CROCC2: variants seen among roughly 807,000 people sequenced by gnomAD.
CROCC2 encodes ciliary rootlet coiled-coil protein 2.
CROCC2 carries 163 observed loss-of-function variants against 177.6 expected under a neutral mutation model. That is an observed-to-expected ratio of 0.92 (90% confidence interval 0.81 to 1.05). CROCC2 has a LOEUF of 1.05. Among genes scored for constraint, CROCC2 ranks in the 50% least tolerant of loss-of-function variants. The pLI is 0.00. For missense variants in CROCC2, 1,929 were observed against 1,797.8 expected (o/e 1.07, Z -1.32); for synonymous variants, 904 against 787.3 (o/e 1.15, Z -2.48).
chr2:240,962,264 T>C (rs1450078061), intron 20 of CROCC2, among the ~76,000 whole-genome samples: 2 of 125,870 alleles, frequency 1.6e-5, no homozygotes, highest in Non-Finnish European at 3.3e-5. Flanking sequence ...GTAAAAGGGA[T>C]GGCTGTTCTC....
chr2:240,947,479 A>ATGCCCAGCATC (rs1301552933), intron 15 of CROCC2, among the ~76,000 whole-genome samples: 1 of 152,204 alleles, frequency 6.6e-6, no homozygotes, highest in African/African-American at 2.4e-5. Context: ...CAGGCCACTG[A>ATGCCCAGCATC]ACAGGGCATC....
chr2:240,930,792 T>G, intron 6 of CROCC2, 139 bp from the exon 7 acceptor site: 1 of 591,094 alleles, frequency 1.7e-6, no homozygotes, highest in South Asian at 2.0e-5. Context: ...TGGTGACACA[T>G]GGGAACAATC....
chr2:240,988,495 C>G (rs1281993839), intron 28 of CROCC2, among the ~76,000 whole-genome samples: 4 of 152,184 alleles, frequency 2.6e-5, no homozygotes, highest in Admixed American at 6.5e-5. Context: ...CCATCTGCTG[C>G]TCTGTAGCTG....
chr2:240,922,919 G>T (rs879487381), intron 4 of CROCC2, among the ~76,000 whole-genome samples: 1 of 152,106 alleles, frequency 6.6e-6, no homozygotes. Context: ...ACCCCAGGCC[G>T]AGTGGAAACA....
In CROCC2 at chr2:240,932,773, C is replaced by T; in HGVS notation, c.1116C>T (p.Arg372=). The T allele has an allele frequency of 7.6e-7, 1 of 1,320,876 alleles. No homozygotes were observed. The highest frequency in any genetic ancestry group is 1.1e-6 in the Non-Finnish European group (1 of 938,566). 81.8% of individuals were successfully genotyped at this position (1,320,876 alleles called of 1,614,324 possible). ...TCACTGAATTGGGGGAGCCACGGCGCCCACTGAGGAGCCCCCAACGTGCCA... is the reference window on the plus strand; with the variant it reads ...TCACTGAATTGGGGGAGCCACGGCGTCCACTGAGGAGCCCCCAACGTGCCA... ...SSITELGEPR[R]PLRSPQRATS... Residue 372 remains arginine, a synonymous_variant, in exon 9 of 32, where the codon CGC becomes CGT. Transcript: ENST00000690015.
At chr2:240,944,596 A>AT (rs554087808) in intron 14 of CROCC2, among the ~76,000 whole-genome samples, 57 of 147,622 alleles carry the variant, frequency 3.9e-4, no homozygotes, top group African/African-American at 5.2e-4. Context: ...TTGTCTATTA[A>AT]TTTTTTTTTT....
Position 240,953,624 on chromosome 2 carries a change from C to T in CROCC2, c.2830-2235C>T, listed in dbSNP as rs1026680822. On this transcript the variant is annotated intron_variant, in intron 18 of 31. Transcript: ENST00000690015. This position sits in a 1 kb window ranked among gnomAD's most constrained non-coding sequence, Gnocchi z 4.0. Reference sequence around the variant, plus strand: ...TTGGCCAGCTGCCCTTTATTCTTGGCGGCCTGTGTAGAGAAATTGAGTGGA... The same window carrying T: ...TTGGCCAGCTGCCCTTTATTCTTGGTGGCCTGTGTAGAGAAATTGAGTGGA... Among the ~76,000 whole-genome samples, 1 of 152,122 alleles carries T rather than the reference C, an allele frequency of 6.6e-6. No homozygotes were observed. The highest frequency in any genetic ancestry group is 6.6e-5 in the Admixed American group (1 of 15,260).
At position 240,972,997 on chromosome 2, in the gene CROCC2, T is replaced by C. The variant is rs1481898670; in HGVS notation, c.4401+4735T>C. On this transcript the variant is annotated intron_variant, in intron 27 of 31. Coordinates refer to ENST00000690015, the MANE Select transcript of CROCC2 (RefSeq NM_001351305.2). This position sits in a 1 kb window ranked among gnomAD's most constrained non-coding sequence, Gnocchi z 7.1. ...ATGCTCCCTGCTGCCCCATGCCCCT[T>C]GCTGAGCAGGGGGGTGCTAGGGTCC... Among the ~76,000 whole-genome samples, 1 of 152,054 alleles carries C rather than the reference T, an allele frequency of 6.6e-6. No individual in the cohort carries two copies. Among genetic ancestry groups the C allele is most frequent in the African/African-American group, 2.4e-5 (1 of 41,424 alleles).
chr2:240,961,867 T>G (rs1465343693), intron 20 of CROCC2, among the ~76,000 whole-genome samples: 2 of 23,706 alleles, frequency 8.4e-5, no homozygotes, highest in Non-Finnish European at 2.3e-4. Flanking sequence ...CACACACTCA[T>G]CACACATGCT....
chr2:240,981,266 C>G (rs548767199), intron 27 of CROCC2, among the ~76,000 whole-genome samples: 498 of 152,086 alleles, frequency 3.3e-3, no homozygotes, highest in Non-Finnish European at 5.5e-3. Context: ...GGAGCCCAGG[C>G]TCATCCCTGC....
intron 18 of CROCC2, among the ~76,000 whole-genome samples, chr2:240,951,819 C>T (rs1016831433): frequency 5.3e-5 from 8 of 152,214 alleles, no homozygotes; most frequent in Non-Finnish European, 1.2e-4. Context: ...AATCATCCAT[C>T]AGTGTATCCA....
At chr2:240,927,893 C>T (rs545215263) in intron 5 of CROCC2, among the ~76,000 whole-genome samples, 2 of 152,352 alleles carry the variant, frequency 1.3e-5, no homozygotes, top group Admixed American at 6.5e-5. Flanking sequence ...TCAGGTGATC[C>T]GCCTGCCTCA....
At position 240,933,167 on chromosome 2, in the gene CROCC2, G is replaced by T; in HGVS notation, c.1288G>T (p.Val430Leu). 6.5e-7 allele frequency: 1 copy of T among 1,550,078 alleles called. No homozygotes were observed. The highest frequency in any genetic ancestry group is 8.7e-7 in the Non-Finnish European group (1 of 1,146,816). ...GCAGCTGAAGTCCTCCCAGGCACTG[G>T]TGGCCAGTCTCCAGGAGCAGCTGTC... ...CLQLKSSQALVASLQEQLSES... is the reference protein window; with the variant it reads ...CLQLKSSQALLASLQEQLSES... The change falls in exon 10 of 32, where the codon GTG (valine) becomes TTG (leucine). Residue 430 changes from valine (V) to leucine (L), a missense_variant. Around this residue, in one of 3 missense-constraint regions of CROCC2, gnomAD observed 1,397 missense variants for 1,239.9 expected, o/e 1.13. Coordinates refer to ENST00000690015, the MANE Select transcript of CROCC2 (RefSeq NM_001351305.2).
At position 240,949,736 on chromosome 2, in the gene CROCC2, A is replaced by C; in HGVS notation, c.2652+34A>C. On this transcript the variant is annotated intron_variant, in intron 17 of 31. Transcript: ENST00000690015. This position sits in a 1 kb window ranked among gnomAD's most constrained non-coding sequence, Gnocchi z 4.5. ...CCCAGGAGCCCACCAGTAGCTTCCT[A>C]GAAGGCTACCAGGTCCCGGGGAATG... 1 of 1,515,500 alleles carries C rather than the reference A, an allele frequency of 6.6e-7. No individual in the cohort carries two copies. The highest frequency in any genetic ancestry group is 8.9e-7 in the Non-Finnish European group (1 of 1,125,508). The allele number at this position is 1,515,500 out of a possible 1,614,324, so 93.9% of individuals were successfully genotyped here. A position where few individuals can be genotyped will look rare whatever the true frequency, so the allele number is the denominator to read the frequency against.
At chr2:240,945,135 C>T (rs1457270790) in intron 14 of CROCC2, among the ~76,000 whole-genome samples, 1 of 152,272 alleles carries the variant, frequency 6.6e-6, no homozygotes, top group South Asian at 2.1e-4. Context: ...CGGGGTTTCA[C>T]CATGTTGCCA....
intron 5 of CROCC2, among the ~76,000 whole-genome samples, chr2:240,929,426 T>G (rs1559593667): frequency 1.3e-5 from 2 of 152,088 alleles, no homozygotes; most frequent in Non-Finnish European, 2.9e-5. Context: ...GAAGGTGGTG[T>G]GGAGACTCTG....
At chr2:240,959,577 C>G (rs1186368263) in intron 20 of CROCC2, 133 bp downstream of exon 20, 2 of 1,226,902 alleles carry the variant, frequency 1.6e-6, no homozygotes, top group Non-Finnish European at 2.2e-6. Context: ...AGAGTAGTCC[C>G]TGGGACTAGG....
intron 18 of CROCC2, 152 bp downstream of exon 18, chr2:240,950,662 C>A (rs2059549311): frequency 1.4e-6 from 1 of 711,268 alleles, no homozygotes; most frequent in Non-Finnish European, 2.3e-6. Flanking sequence ...CATCCGTCCA[C>A]TCACCCACCC....
intron 28 of CROCC2, chr2:240,986,118 C>G (rs1426262265): frequency 2.7e-6 from 1 of 366,848 alleles, no homozygotes; most frequent in Admixed American, 3.1e-5. Context: ...AGGGCACCAT[C>G]AGTGTCCTGC....
Sources: allele counts gnomAD v4.1 joint callset (sites outside exome capture counted in the v4.1 genomes callset), GRCh38; gene constraint gnomAD v4.1.1; regional missense constraint gnomAD v4.1.1; non-coding constraint Gnocchi (gnomAD v3.1); transcripts MANE v1.5; gene names NCBI Gene and HGNC (gene_info 2026-07-23, HGNC 2026-07-21).